UPP2: variants seen among roughly 807,000 people sequenced by gnomAD.
UPP2 encodes uridine phosphorylase 2, also known as UPase 2.
Under a neutral mutation model 26.7 loss-of-function variants are expected in UPP2, and 23 were observed. The ratio of observed to expected loss-of-function variants is 0.86; its 90% CI spans 0.62 to 1.22. The LOEUF (loss-of-function observed/expected upper bound fraction) is 1.22. UPP2 is among the 50% of genes most tolerant of loss of function. The probability of loss-of-function intolerance (pLI) is 0.00; values close to 1 mark genes in which losing one functional copy is unlikely to be tolerated. For missense variants in UPP2, 387 were observed against 396.7 expected, an observed-to-expected ratio of 0.98 and a Z score of 0.21; for synonymous variants, 127 against 141.3, an observed-to-expected ratio of 0.90 and a Z score of 0.72.
intron 3 of UPP2, among the ~76,000 whole-genome samples, chr2:158,037,624 T>C (rs1684024298): frequency 6.6e-6 from 1 of 152,078 alleles, no homozygotes; most frequent in African/African-American, 2.4e-5. Flanking sequence ...CCTTGGCTTG[T>C]AGAGGCATCA....
rs550722737 is a variant in UPP2 at position 158,075,437 on chromosome 2, G to C, written c.148-26603G>C. Among the ~76,000 whole-genome samples, 4 of 151,890 alleles carry C rather than the reference G, an allele frequency of 2.6e-5. No homozygotes were observed. In the East Asian group the frequency reaches 7.7e-4, roughly 29 times the overall value. ...TCGATAAGGATAGACCATATGTTAG[G>C]TCACAAAATAAGTCTTAAAACATTA... On this transcript the variant is annotated intron_variant, in intron 3 of 9. Coordinates refer to the UPP2 transcript ENST00000605860.
chr2:158,004,260 G>A (rs772038925), intron 2 of UPP2, among the ~76,000 whole-genome samples: 5 of 151,838 alleles, frequency 3.3e-5, no homozygotes, highest in Non-Finnish European at 7.4e-5. Flanking sequence ...AACAATCATC[G>A]TCGGGGGATG....
chr2:158,065,277 C>T (rs1409491535), intron 3 of UPP2, among the ~76,000 whole-genome samples: 3 of 152,112 alleles, frequency 2.0e-5, no homozygotes, highest in African/African-American at 4.8e-5. Context: ...GAATTGAAAC[C>T]CATAGGGCAT....
chr2:158,010,763 CTTTT>C (rs34328148), intron 2 of UPP2, among the ~76,000 whole-genome samples: 22 of 82,936 alleles, frequency 2.7e-4, no homozygotes, highest in South Asian at 1.5e-3. Flanking sequence ...CCCTCTTTTT[CTTTT>C]TTTTTTTTTT....
chr2:158,044,295 A>C (rs989034467), intron 3 of UPP2, among the ~76,000 whole-genome samples: 1 of 152,142 alleles, frequency 6.6e-6, no homozygotes, highest in Admixed American at 6.5e-5. Flanking sequence ...AGGCAAGTTG[A>C]CCATAGTGGG....
rs546674602 is a variant in UPP2, at chr2:158,018,545, G to A, written c.147+2659G>A. 3.0e-3 allele frequency among the ~76,000 whole-genome samples: 460 copies of A among 152,316 alleles called. 1 individual carries two copies. Among genetic ancestry groups the A allele is most frequent in the Non-Finnish European group, 5.2e-3 (354 of 68,032 alleles). On this transcript the variant is annotated intron_variant, in intron 3 of 9. Transcript: ENST00000605860. Reference sequence around the variant, plus strand: ...CGACCAAGTGGGTGCAGAAGAGCAGGCTGCAAGGCTGGAAGGCAGGTGCAT... The same window carrying A: ...CGACCAAGTGGGTGCAGAAGAGCAGACTGCAAGGCTGGAAGGCAGGTGCAT...
chr2:158,000,411 A>T (rs1683387185), intron 2 of UPP2, among the ~76,000 whole-genome samples: 2 of 152,232 alleles, frequency 1.3e-5, no homozygotes, highest in Non-Finnish European at 2.9e-5. Flanking sequence ...ATTGTCTCAT[A>T]ATACTGGAAA....
chr2:158,134,577 T>G (rs1475389872), intron 6 of UPP2, among the ~76,000 whole-genome samples, 171 bp from the exon 7 acceptor site: 3 of 152,194 alleles, frequency 2.0e-5, no homozygotes, highest in Non-Finnish European at 4.4e-5. Flanking sequence ...TTGGTGGGAT[T>G]CCACAAAAAT....
At chr2:158,031,498 G>A (rs2105156618) in intron 3 of UPP2, among the ~76,000 whole-genome samples, 1 of 152,318 alleles carries the variant, frequency 6.6e-6, no homozygotes, top group South Asian at 2.1e-4. Context: ...CCTGGAGGAG[G>A]CTTAGGGATG....
intron 2 of UPP2, among the ~76,000 whole-genome samples, chr2:158,113,468 A>G (rs1683360765): frequency 6.6e-6 from 1 of 152,212 alleles, no homozygotes; most frequent in Non-Finnish European, 1.5e-5. Context: ...GCAGACTTCT[A>G]TTGCAGTTCA....
intron 3 of UPP2, among the ~76,000 whole-genome samples, chr2:158,056,382 T>G (rs1206350360): frequency 1.3e-5 from 2 of 152,202 alleles, no homozygotes; most frequent in Non-Finnish European, 2.9e-5. Context: ...TATAGTTGAT[T>G]CAGATGTCTT....
At chr2:158,047,726 G>A (rs181143315) in intron 3 of UPP2, among the ~76,000 whole-genome samples, 9 of 152,344 alleles carry the variant, frequency 5.9e-5, no homozygotes, top group Admixed American at 5.2e-4. Context: ...GTTGCAGATA[G>A]AAGGCAGCAT....
intron 3 of UPP2, among the ~76,000 whole-genome samples, chr2:158,066,312 G>A (rs186704407): frequency 3.9e-5 from 6 of 152,304 alleles, no homozygotes; most frequent in South Asian, 2.1e-4. Flanking sequence ...TGTGCCTGTC[G>A]TTTGTACCAA....
intron 3 of UPP2, among the ~76,000 whole-genome samples, chr2:158,063,178 C>T (rs988235777): frequency 2.0e-5 from 3 of 152,154 alleles, no homozygotes; most frequent in African/African-American, 7.2e-5. Flanking sequence ...TCATTTAGGC[C>T]CACATCACTC....
chr2:158,115,308 A>G, intron 3 of UPP2, 49 bp downstream of exon 3: 1 of 1,511,824 alleles, frequency 6.6e-7, no homozygotes, highest in Non-Finnish European at 8.9e-7. Context: ...GCTAGAGAAA[A>G]AAGTGGGAAC....
intron 3 of UPP2, among the ~76,000 whole-genome samples, chr2:158,068,790 ATATATATATATATTTTTTTTTTTTTTT>A (rs1391060011): frequency 5.8e-5 from 1 of 17,146 alleles, no homozygotes; most frequent in African/African-American, 2.1e-4. Flanking sequence ...ATATATATAT[ATATATATATATATTTTTTTTTTTTTTT>A]TTTTTTTTTT....
intron 3 of UPP2, among the ~76,000 whole-genome samples, chr2:158,017,134 A>C (rs1487157486): frequency 6.6e-6 from 1 of 152,232 alleles, no homozygotes; most frequent in Non-Finnish European, 1.5e-5. Flanking sequence ...GTAATGAAAT[A>C]TAGTGCACAA....
chr2:158,116,287 C>T (rs1683429605), intron 3 of UPP2, among the ~76,000 whole-genome samples: 3 of 152,178 alleles, frequency 2.0e-5, no homozygotes, highest in Non-Finnish European at 4.4e-5. Context: ...ATCCACTGAT[C>T]TTGGTAAATT....
intron 3 of UPP2, among the ~76,000 whole-genome samples, chr2:158,083,773 T>C (rs1391884739): frequency 6.6e-6 from 1 of 150,816 alleles, no homozygotes; most frequent in Non-Finnish European, 1.5e-5. Context: ...ATCCTTTTTA[T>C]GGCTTAGTAT....
Sources: allele counts gnomAD v4.1 joint callset (sites outside exome capture counted in the v4.1 genomes callset), GRCh38; gene constraint gnomAD v4.1.1; transcripts MANE v1.5; gene names NCBI Gene and HGNC (gene_info 2026-07-23, HGNC 2026-07-21).